Variants in COL11A1 observed in about 807,000 individuals in gnomAD.
COL11A1 encodes collagen alpha-1(XI) chain.
COL11A1 carries 74 observed loss-of-function variants against 265.2 expected under a neutral mutation model. The ratio of observed to expected loss-of-function variants is 0.28; its 90% CI spans 0.23 to 0.34. The LOEUF (loss-of-function observed/expected upper bound fraction) is 0.34. Among genes scored for constraint, COL11A1 ranks in the 10% least tolerant of loss-of-function variants. The pLI, the probability that COL11A1 is intolerant of heterozygous loss-of-function variation, is 1.00. For missense variants in COL11A1, 2,165 were observed against 2,263.6 expected (o/e 0.96, Z 0.88); for synonymous variants, 816 against 727.6 (o/e 1.12, Z -1.96).
chr1:102,939,421 C>T (rs1658487643), intron 43 of COL11A1, among the ~76,000 whole-genome samples: 1 of 152,098 alleles, frequency 6.6e-6, no homozygotes, highest in Admixed American at 6.6e-5. Flanking sequence ...AATTACTTTA[C>T]CAGCTAGGTT....
chr1:102,978,865 G>A lies in COL11A1; in HGVS notation c.2704C>T (p.Pro902Ser). 1 of 1,614,104 alleles carries A rather than the reference G, an allele frequency of 6.2e-7. No homozygotes were observed. Among genetic ancestry groups the A allele is most frequent in the Non-Finnish European group, 8.5e-7 (1 of 1,180,008 alleles). Residue 902 changes from proline to serine, a missense_variant, in exon 34 of 67, where the codon CCA becomes TCA. Pro to Ser is a moderately conservative substitution (Grantham distance 74). Transcript: ENST00000370096. ...AGAAAAAGTACAGGTGATACCTTTG[G>A]CCCAGGTTTCCCAGTGGGACCTCTT... ...GARGPTGKPG[P>S]KGTSGGDGPP... is the part of the protein sequence containing the mutation.
chr1:102,959,405 C>A (rs1173211040), intron 41 of COL11A1, among the ~76,000 whole-genome samples: 1 of 71,508 alleles, frequency 1.4e-5, no homozygotes, highest in Non-Finnish European at 2.9e-5. Flanking sequence ...AGTATTTTCT[C>A]GCTCTTCAAC....
intron 4 of COL11A1, among the ~76,000 whole-genome samples, chr1:103,060,045 C>G (rs568039330): frequency 6.6e-6 from 1 of 151,872 alleles, no homozygotes; most frequent in East Asian, 1.9e-4. Context: ...GACCAAAAAT[C>G]TGGGAATATC....
In COL11A1 at chr1:103,085,232, T is replaced by C. The variant is rs114796704; in HGVS notation, c.107-2260A>G. 5.3e-3 allele frequency among the ~76,000 whole-genome samples: 803 copies of C among 152,366 alleles called. 8 individuals are homozygous for C. Among genetic ancestry groups the C allele is most frequent in the African/African-American group, 0.019 (771 of 41,584 alleles). On this transcript the variant is annotated intron_variant, in intron 1 of 66. Coordinates refer to ENST00000370096, the MANE Select transcript of COL11A1 (RefSeq NM_001854.4). ...TACAGATTTTTATTTGATAACAATTTGTATTCATTCATTCATTTGTTCATT... is the reference window on the plus strand; with the variant it reads ...TACAGATTTTTATTTGATAACAATTCGTATTCATTCATTCATTTGTTCATT...
chr1:102,980,102 G>A (rs576782346), intron 31 of COL11A1, among the ~76,000 whole-genome samples: 1 of 152,052 alleles, frequency 6.6e-6, no homozygotes, highest in South Asian at 2.1e-4. Flanking sequence ...AAGTAAGTTT[G>A]GTACATTACT....
rs907481941 is a variant in COL11A1 at position 102,965,392 on chromosome 1, A to C, written c.2916+95T>G. On this transcript the variant is annotated intron_variant, in intron 38 of 66. Transcript: ENST00000370096. ...TGAAATAAAAAATACATCATTTTGAATCATAATAAATTTAGAAGATTTTAC... is the reference window on the plus strand; with the variant it reads ...TGAAATAAAAAATACATCATTTTGACTCATAATAAATTTAGAAGATTTTAC... 1.5e-4 allele frequency: 171 copies of C among 1,158,250 alleles called. No homozygotes were observed. The African/African-American group carries it at 2.5e-3, about 17-fold the overall frequency. 71.7% of individuals were successfully genotyped at this position (1,158,250 alleles called of 1,614,324 possible). A position where few individuals can be genotyped will look rare whatever the true frequency, so the allele number is the denominator to read the frequency against.
chr1:103,002,095 C>A (rs377136225), intron 23 of COL11A1, 126 bp from the exon 24 acceptor site: 1 of 831,360 alleles, frequency 1.2e-6, no homozygotes, highest in Non-Finnish European at 2.0e-6. Context: ...TTCCCATACA[C>A]CCCAAGGAAT....
At chr1:102,925,934 A>T (rs1656545682) in intron 46 of COL11A1, among the ~76,000 whole-genome samples, 1 of 152,116 alleles carries the variant, frequency 6.6e-6, no homozygotes, top group Admixed American at 6.5e-5. Context: ...GATAGAGTGC[A>T]TCTAATTTAG....
rs776966658 is a variant in COL11A1, at chr1:102,876,775, C to T, written c.*1244G>A. 5 of 152,114 alleles carry T rather than the reference C, an allele frequency of 3.3e-5. No individual in the cohort carries two copies. Among genetic ancestry groups the T allele is most frequent in the Non-Finnish European group, 7.4e-5 (5 of 67,896 alleles). 9.4% of individuals were successfully genotyped at this position (152,114 alleles called of 1,614,324 possible). A position where few individuals can be genotyped will look rare whatever the true frequency, so the allele number is the denominator to read the frequency against. On this transcript the variant is annotated 3_prime_UTR_variant, in exon 67 of 67. Transcript: ENST00000370096. ...AAATTGTATTGCTATTTCAAGCTAC[C>T]TTAAAGTAAATACCTTAGTGGAAAA...
intron 41 of COL11A1, among the ~76,000 whole-genome samples, chr1:102,956,816 T>G (rs1254790873): frequency 6.6e-6 from 1 of 151,854 alleles, no homozygotes; most frequent in Non-Finnish European, 1.5e-5. Flanking sequence ...CGTCTCTATT[T>G]TGACTCCATT....
At chr1:102,911,868 C>G (rs997988413) in intron 54 of COL11A1, among the ~76,000 whole-genome samples, 2 of 152,082 alleles carry the variant, frequency 1.3e-5, no homozygotes, top group Admixed American at 1.3e-4. Context: ...CAGGATACCA[C>G]CAAAGTCTTT....
chr1:102,894,022 T>G (rs1363222116), intron 57 of COL11A1, among the ~76,000 whole-genome samples: 1 of 152,148 alleles, frequency 6.6e-6, no homozygotes, highest in Non-Finnish European at 1.5e-5. Flanking sequence ...TAAATAATCT[T>G]TTTTGAACAT....
chr1:102,910,046 A>T (rs1654456385), intron 54 of COL11A1, among the ~76,000 whole-genome samples: 1 of 152,004 alleles, frequency 6.6e-6, no homozygotes, highest in African/African-American at 2.4e-5. Flanking sequence ...ACAGTTTAAT[A>T]GTTTTAACAT....
rs185088844 is a variant in COL11A1, at chr1:103,079,953, T to C, written c.275-1082A>G. Among the ~76,000 whole-genome samples the C allele has an allele frequency of 4.2e-3, 640 of 152,046 alleles. 3 individuals carry two copies. The highest frequency in any genetic ancestry group is 0.014 in the African/African-American group (595 of 41,548). On this transcript the variant is annotated intron_variant, in intron 2 of 66. Transcript: ENST00000370096. ...ATTGTAGGAGATCAGCAATTCTACT[T>C]CTAAGAATGTATGGGGAGAGGATGC...
chr1:102,911,673 C>T (rs1405959391), intron 54 of COL11A1, among the ~76,000 whole-genome samples: 1 of 152,176 alleles, frequency 6.6e-6, no homozygotes, highest in Non-Finnish European at 1.5e-5. Flanking sequence ...TTTGCTATAG[C>T]ACATCATTAA....
rs2622856 is a variant in COL11A1, at chr1:102,989,634, T to C, written c.2341-63A>G. On this transcript the variant is annotated intron_variant, in intron 28 of 66. Transcript: ENST00000370096. Reference sequence around the variant, plus strand: ...CAGTCCTTTGGAGTAACCTAAAATATTGCTATAAAAATTTATGTGCTGATA... The same window carrying C: ...CAGTCCTTTGGAGTAACCTAAAATACTGCTATAAAAATTTATGTGCTGATA... 7.6e-4 allele frequency: 890 copies of C among 1,169,194 alleles called. 9 individuals are homozygous for C. In the African/African-American group the frequency reaches 0.012, roughly 16 times the overall value. The allele number at this position is 1,169,194 out of a possible 1,614,324, so 72.4% of individuals were successfully genotyped here.
intron 28 of COL11A1, among the ~76,000 whole-genome samples, chr1:102,992,335 T>C (rs1664220568): frequency 6.6e-6 from 1 of 152,124 alleles, no homozygotes; most frequent in African/African-American, 2.4e-5. Flanking sequence ...AATTCATCTA[T>C]GCCACCTAAT....
intron 5 of COL11A1, among the ~76,000 whole-genome samples, chr1:103,030,297 T>C (rs1054816079): frequency 6.6e-6 from 1 of 152,068 alleles, no homozygotes; most frequent in Admixed American, 6.6e-5. Flanking sequence ...GAATTCATTA[T>C]TAAACCTTAA....
chr1:102,962,041 C>A, intron 40 of COL11A1, 122 bp from the exon 41 acceptor site: 1 of 984,356 alleles, frequency 1.0e-6, no homozygotes, highest in South Asian at 1.4e-5. Flanking sequence ...TACATATATA[C>A]ACATATATGT....
Sources: gnomAD v4.1 joint callset for allele counts (sites outside exome capture counted in the v4.1 genomes callset) on GRCh38, gnomAD v4.1.1 for gene constraint, MANE v1.5 for transcripts, NCBI Gene and HGNC (gene_info 2026-07-23, HGNC 2026-07-21) for gene names.